Variants in CSMD1 observed in about 807,000 individuals in gnomAD.
The protein encoded by CSMD1 is CUB and sushi domain-containing protein 1.
CSMD1 carries 213 observed loss-of-function variants against 417.5 expected under a neutral mutation model. The ratio of observed to expected loss-of-function variants is 0.51; its 90% CI spans 0.46 to 0.57. The LOEUF (loss-of-function observed/expected upper bound fraction) is 0.57, where lower values mean the gene tolerates loss of function less well. CSMD1 is among the 20% of genes least tolerant of loss of function. The pLI, the probability that CSMD1 is intolerant of heterozygous loss-of-function variation, is 0.00. For missense variants in CSMD1, 6,923 were observed against 4,529.7 expected (o/e 1.53, Z -15.17); for synonymous variants, 2,862 against 1,736.8 (o/e 1.65, Z -16.11).
chr8:3,699,761 G>C (rs1800745151), intron 7 of CSMD1, among the ~76,000 whole-genome samples: 1 of 152,136 alleles, frequency 6.6e-6, no homozygotes. Flanking sequence ...TCCGCAACGA[G>C]GGACTGTTGA....
intron 4 of CSMD1, among the ~76,000 whole-genome samples, chr8:4,004,746 TG>T (rs1301771431): frequency 6.6e-6 from 1 of 152,240 alleles, no homozygotes; most frequent in East Asian, 1.9e-4. Context: ...ATTCTTTTTT[TG>T]TTTTGTTTTG....
At chr8:3,661,866 A>G (rs186691040) in intron 7 of CSMD1, among the ~76,000 whole-genome samples, 33 of 152,148 alleles carry the variant, frequency 2.2e-4, no homozygotes, top group Non-Finnish European at 4.3e-4. Flanking sequence ...ATCGGTGTTG[A>G]AGGACGACAC....
chr8:3,694,708 G>T (rs561914614), intron 7 of CSMD1, among the ~76,000 whole-genome samples: 2 of 151,918 alleles, frequency 1.3e-5, no homozygotes, highest in Non-Finnish European at 2.9e-5. Context: ...GGAATGAAAG[G>T]GGAGAACCTG....
At chr8:4,804,097 T>A (rs77013071) in intron 1 of CSMD1, among the ~76,000 whole-genome samples, 8,444 of 152,290 alleles carry the variant, frequency 0.055, 388 homozygotes, top group East Asian at 0.23. Flanking sequence ...TGTTCAACCA[T>A]TAAAATTATT....
chr8:4,789,384 C>T (rs1218472908), intron 1 of CSMD1, among the ~76,000 whole-genome samples: 4 of 152,124 alleles, frequency 2.6e-5, no homozygotes, highest in South Asian at 2.1e-4. Flanking sequence ...CTCTCTGGCT[C>T]TGGGTGATTT....
At chr8:4,082,700 G>C (rs951391969) in intron 3 of CSMD1, among the ~76,000 whole-genome samples, 1 of 151,540 alleles carries the variant, frequency 6.6e-6, no homozygotes, top group South Asian at 2.1e-4. Context: ...TGCCATGCTG[G>C]TGTGCTGCAC....
chr8:3,302,362 C>T (rs1804481511), intron 25 of CSMD1, among the ~76,000 whole-genome samples: 1 of 152,126 alleles, frequency 6.6e-6, no homozygotes, highest in African/African-American at 2.4e-5. Context: ...CCTTACACTC[C>T]TACGTCCTTC....
At chr8:3,832,835 A>T (rs1459031769) in intron 5 of CSMD1, among the ~76,000 whole-genome samples, 1 of 152,220 alleles carries the variant, frequency 6.6e-6, no homozygotes, top group Non-Finnish European at 1.5e-5. Context: ...ATCAATTTGT[A>T]TGGTTATAGA....
intron 23 of CSMD1, among the ~76,000 whole-genome samples, chr8:3,332,158 G>C (rs943574507): frequency 1.3e-5 from 2 of 152,206 alleles, no homozygotes; most frequent in Non-Finnish European, 2.9e-5. Context: ...TGTTTGTTGA[G>C]ATATCTATTA....
chr8:4,348,386 A>G (rs1800897126), intron 3 of CSMD1, among the ~76,000 whole-genome samples: 1 of 152,060 alleles, frequency 6.6e-6, no homozygotes, highest in Non-Finnish European at 1.5e-5. Context: ...TGTTTAAAGA[A>G]CGTTGCAGGT....
At chr8:4,813,467 T>A (rs1334451482) in intron 1 of CSMD1, among the ~76,000 whole-genome samples, 2 of 152,188 alleles carry the variant, frequency 1.3e-5, no homozygotes, top group Non-Finnish European at 2.9e-5. Flanking sequence ...CAACAGAACG[T>A]ATCAAAAAAT....
intron 1 of CSMD1, among the ~76,000 whole-genome samples, chr8:4,731,569 G>C (rs907573493): frequency 2.0e-5 from 3 of 152,070 alleles, no homozygotes; most frequent in African/African-American, 4.8e-5. Flanking sequence ...CATGTTTATT[G>C]AATATTTTGA....
chr8:3,547,064 G>A (rs7012594), intron 10 of CSMD1, among the ~76,000 whole-genome samples: 2 of 152,100 alleles, frequency 1.3e-5, no homozygotes, highest in African/African-American at 4.8e-5. Flanking sequence ...TTTAGCTGGA[G>A]ACCTGACTTA....
chr8:4,066,827 C>T (rs767648272), intron 3 of CSMD1, among the ~76,000 whole-genome samples: 3 of 152,144 alleles, frequency 2.0e-5, no homozygotes, highest in Non-Finnish European at 4.4e-5. Context: ...GCGACAACAC[C>T]CACTCACAAA....
chr8:3,370,380 C>T (rs79578572), intron 18 of CSMD1, among the ~76,000 whole-genome samples: 2,343 of 152,288 alleles, frequency 0.015, 67 homozygotes, highest in African/African-American at 0.053. Context: ...CCATGTGCTC[C>T]GGGTCTTGCT....
chr8:3,112,189 A>G (rs1288762991), intron 42 of CSMD1, among the ~76,000 whole-genome samples: 3 of 152,114 alleles, frequency 2.0e-5, no homozygotes, highest in Admixed American at 6.5e-5. Context: ...TGATAAACAA[A>G]TTGATAAATT....
intron 17 of CSMD1, among the ~76,000 whole-genome samples, chr8:3,394,046 A>G (rs1262112998): frequency 7.6e-6 from 1 of 132,140 alleles, no homozygotes; most frequent in Non-Finnish European, 1.6e-5. Flanking sequence ...ATATATATAT[A>G]TATATATATA....
At chr8:3,123,101 A>T (rs2129021432) in intron 41 of CSMD1, among the ~76,000 whole-genome samples, 2 of 152,266 alleles carry the variant, frequency 1.3e-5, no homozygotes, top group Admixed American at 1.3e-4. Context: ...TATTTGAAAA[A>T]CTAGATGCTT....
intron 3 of CSMD1, among the ~76,000 whole-genome samples, chr8:4,274,215 A>C (rs1020809471): frequency 1.3e-5 from 2 of 152,200 alleles, no homozygotes; most frequent in East Asian, 3.8e-4. Context: ...AATAGTTTAT[A>C]AAGTCCAGGC....
Sources: gnomAD v4.1 joint callset for allele counts (sites outside exome capture counted in the v4.1 genomes callset) on GRCh38, gnomAD v4.1.1 for gene constraint, MANE v1.5 for transcripts, NCBI Gene and HGNC (gene_info 2026-07-23, HGNC 2026-07-21) for gene names.